SEM1: variants seen among roughly 807,000 people sequenced by gnomAD.
The protein encoded by SEM1 is 26S proteasome complex subunit SEM1.
SEM1 carries 3 observed loss-of-function variants against 12.7 expected under a neutral mutation model. That is an observed-to-expected ratio of 0.24 (90% CI 0.11 to 0.61). The LOEUF (loss-of-function observed/expected upper bound fraction) is 0.61. Ranked by LOEUF, SEM1 falls within the 20% of genes least tolerant of loss-of-function variation. SEM1 has a pLI of 0.88. For synonymous variants in SEM1, 30 were observed against 27.8 expected, an observed-to-expected ratio of 1.08 and a Z score of -0.25; for missense variants, 59 against 81.3, an observed-to-expected ratio of 0.73 and a Z score of 1.06.
At chr7:96,670,099 T>A (rs1210896432), downstream of SEM1, among the ~76,000 whole-genome samples, 1 of 152,212 alleles carries the variant, frequency 6.6e-6, no homozygotes, top group Non-Finnish European at 1.5e-5. Flanking sequence ...ATACTATTGT[T>A]AATTTCTTGT....
At chr7:96,671,631 G>A (rs945582033), downstream of SEM1, among the ~76,000 whole-genome samples, 23 of 152,120 alleles carry the variant, frequency 1.5e-4, 1 homozygote, top group Non-Finnish European at 2.9e-5. Context: ...TCTGAAAGAG[G>A]ATACTGCAAA....
Position 96,709,817 on chromosome 7 carries a change from A to T in SEM1, c.-54T>A. On this transcript the variant is annotated 5_prime_UTR_variant, in exon 1 of 3. Coordinates refer to ENST00000248566, the MANE Select transcript of SEM1 (RefSeq NM_006304.2). ...GATAAGCAGAAAAGTTGGAACCCTC[A>T]CTCTTCCTCAAGGAAACGCCACCGT... The T allele has an allele frequency of 6.4e-7, 1 of 1,561,134 alleles. No individual in the cohort carries two copies. The highest frequency in any genetic ancestry group is 1.4e-5 in the African/African-American group (1 of 73,134).
At chr7:96,587,248 AAGTATATTTGATCAC>A (rs1806671071) in intron 2 of SEM1, among the ~76,000 whole-genome samples, 2 of 152,182 alleles carry the variant, frequency 1.3e-5, no homozygotes, top group Admixed American at 1.3e-4. Context: ...TGTATTTCTC[AAGTATATTTGATCAC>A]AGAACCTTCT....
intron 2 of SEM1, among the ~76,000 whole-genome samples, chr7:96,531,993 T>G (rs1804656199): frequency 6.6e-6 from 1 of 152,108 alleles, no homozygotes; most frequent in African/African-American, 2.4e-5. Context: ...AAAGTTAGTC[T>G]TCCTTTTCTT....
chr7:96,482,386 G>T (rs991620135), exon 4 of SEM1: 1 of 152,046 alleles, frequency 6.6e-6, no homozygotes, highest in African/African-American at 2.4e-5. Flanking sequence ...AATATCTCTT[G>T]CCCAGATCTA....
chr7:96,652,180 C>T (rs541315134), intron 2 of SEM1, among the ~76,000 whole-genome samples: 2 of 152,144 alleles, frequency 1.3e-5, no homozygotes, highest in African/African-American at 2.4e-5. Flanking sequence ...AATGCACACT[C>T]AAGTCAAGTG....
chr7:96,491,000 C>G (rs1802985064), intron 1 of SEM1, among the ~76,000 whole-genome samples: 1 of 152,142 alleles, frequency 6.6e-6, no homozygotes, highest in African/African-American at 2.4e-5. Flanking sequence ...TCTGAGATTA[C>G]TTGCAGTTTT....
At chr7:96,615,790 C>T (rs1431651890) in intron 2 of SEM1, among the ~76,000 whole-genome samples, 2 of 152,314 alleles carry the variant, frequency 1.3e-5, no homozygotes, top group East Asian at 3.9e-4. Context: ...TTACTCCATG[C>T]TGTATGCCTT....
chr7:96,586,404 A>G (rs2116102915), intron 2 of SEM1, among the ~76,000 whole-genome samples: 1 of 152,300 alleles, frequency 6.6e-6, no homozygotes, highest in Non-Finnish European at 1.5e-5. Context: ...AACTCACCCT[A>G]TTTATATTAC....
chr7:96,584,069 C>T (rs1016349516), intron 2 of SEM1, among the ~76,000 whole-genome samples: 8 of 152,070 alleles, frequency 5.3e-5, no homozygotes, highest in South Asian at 4.2e-4. Context: ...GTCTCGATGG[C>T]CTTTACATTT....
At chr7:96,599,269 C>A (rs1330925445) in intron 2 of SEM1, among the ~76,000 whole-genome samples, 1 of 152,094 alleles carries the variant, frequency 6.6e-6, no homozygotes, top group Non-Finnish European at 1.5e-5. Context: ...CTCTCTCTTT[C>A]TTTCTACAAA....
chr7:96,567,461 A>C (rs1805876745), intron 2 of SEM1, among the ~76,000 whole-genome samples: 2 of 151,024 alleles, frequency 1.3e-5, no homozygotes, highest in African/African-American at 4.8e-5. Flanking sequence ...ATATGTAAAT[A>C]ATGATAATTC....
At chr7:96,691,133 T>C (rs920302051) in intron 2 of SEM1, among the ~76,000 whole-genome samples, 21 of 152,152 alleles carry the variant, frequency 1.4e-4, no homozygotes, top group African/African-American at 4.8e-4. Context: ...ATCATACTAC[T>C]ACCTATTTCT....
intron 2 of SEM1, among the ~76,000 whole-genome samples, chr7:96,678,817 T>C (rs1584856953): frequency 6.6e-6 from 1 of 152,268 alleles, no homozygotes; most frequent in South Asian, 2.1e-4. Context: ...AAAGTATATA[T>C]GCTCTCTTTC....
intron 2 of SEM1, among the ~76,000 whole-genome samples, chr7:96,571,586 G>A (rs191228504): frequency 3.9e-4 from 58 of 149,900 alleles, no homozygotes; most frequent in African/African-American, 1.3e-3. Flanking sequence ...ACATATATAC[G>A]CACATATATA....
intron 2 of SEM1, 66 bp from the exon 3 acceptor site, chr7:96,689,032 C>A: frequency 1.0e-6 from 1 of 973,566 alleles, no homozygotes; most frequent in Non-Finnish European, 1.6e-6. Context: ...AGAAACAATA[C>A]AATAAATAAA....
intron 1 of SEM1, among the ~76,000 whole-genome samples, chr7:96,490,690 C>T (rs1303489406): frequency 1.3e-5 from 2 of 152,122 alleles, no homozygotes; most frequent in Non-Finnish European, 2.9e-5. Flanking sequence ...ACATGCAAGC[C>T]ACAAGCCCAA....
chr7:96,687,042 T>C (rs927735603), downstream of SEM1, among the ~76,000 whole-genome samples: 67 of 152,248 alleles, frequency 4.4e-4, no homozygotes, highest in African/African-American at 1.5e-3. Flanking sequence ...AAAATGCTCA[T>C]CATCACTAGC....
chr7:96,513,017 T>G (rs1034433260), intron 2 of SEM1, among the ~76,000 whole-genome samples: 2 of 152,104 alleles, frequency 1.3e-5, no homozygotes, highest in Non-Finnish European at 2.9e-5. Flanking sequence ...CCAGAACTTG[T>G]GAATTCGATC....
Sources: gnomAD v4.1 joint callset for allele counts (sites outside exome capture counted in the v4.1 genomes callset) on GRCh38, gnomAD v4.1.1 for gene constraint, MANE v1.5 for transcripts, NCBI Gene and HGNC (gene_info 2026-07-23, HGNC 2026-07-21) for gene names.